The following PIN4 variants were observed in gnomAD, a reference collection of about 807,000 sequenced individuals.
PIN4 encodes peptidyl-prolyl cis-trans isomerase NIMA-interacting 4.
A neutral mutation model predicts 8.3 loss-of-function variants in PIN4; 3 were observed. The ratio of observed to expected loss-of-function variants is 0.36; its 90% CI spans 0.16 to 0.93. The LOEUF is 0.93. Among genes scored for constraint, PIN4 ranks in the 40% least tolerant of loss-of-function variants. The probability of loss-of-function intolerance (pLI) is 0.44; values close to 1 mark genes in which losing one functional copy is unlikely to be tolerated. For synonymous variants in PIN4, 18 were observed against 32.5 expected (o/e 0.55, Z 1.52); for missense variants, 75 against 100.6 (o/e 0.75, Z 1.09).
At chrX:72,190,496 T>G (rs928921987) in intron 2 of PIN4, among the ~76,000 whole-genome samples, 1 of 111,587 alleles carries the variant, frequency 9.0e-6, no homozygotes, top group Non-Finnish European at 1.9e-5. Flanking sequence ...AAGAAAAGAT[T>G]TCCTTGAAAA....
intron 1 of PIN4, among the ~76,000 whole-genome samples, chrX:72,185,060 C>A (rs1265195750): frequency 1.0e-5 from 1 of 95,928 alleles, no homozygotes; most frequent in African/African-American, 3.7e-5. Flanking sequence ...AGGAGAATGG[C>A]ATGAACCCGG....
chrX:72,193,648 A>G (rs755864945), intron 2 of PIN4, among the ~76,000 whole-genome samples: 1 of 111,977 alleles, frequency 8.9e-6, no homozygotes, highest in Non-Finnish European at 1.9e-5. Context: ...AGGTAGGCAG[A>G]TCACTTGAGG....
chrX:72,199,776 T>C (rs1182735785), downstream of PIN4, among the ~76,000 whole-genome samples: 1 of 103,936 alleles, frequency 9.6e-6, no homozygotes, highest in Non-Finnish European at 2.0e-5. Flanking sequence ...AGAGCAGTTA[T>C]AGCTAGCCTG....
rs2042775628 is a variant in PIN4 at position 72,198,049 on chromosome X, A to G, written c.*523A>G. On this transcript the variant is annotated 3_prime_UTR_variant, in exon 4 of 4. Coordinates refer to ENST00000373669, the MANE Select transcript of PIN4 (RefSeq NM_006223.4). ...TGGCACGTTATGCCTTTCAGTGTTA[A>G]CTCCTTTCTTTTTAAATAAATGTTT... 1.3e-6 allele frequency: 1 copy of G among 748,369 alleles called. No individual in the cohort carries two copies. Among genetic ancestry groups the G allele is most frequent in the Middle Eastern group, 7.6e-4 (1 of 1,310 alleles). The allele number at this position is 748,369 out of a possible 1,213,427, so 61.7% of individuals were successfully genotyped here. A position where few individuals can be genotyped will look rare whatever the true frequency, so the allele number is the denominator to read the frequency against.
At position 72,261,309 on chromosome X, in the gene PIN4, A is replaced by C. The variant is rs1033674039; in HGVS notation, c.313-1398A>C. ...GACTCCGTCTCAGAAAAAAAAAAAA[A>C]AAAAAACCAAAATCTGGGTGTCGAC... On this transcript the variant is annotated intron_variant, in intron 3 of 3. Transcript: ENST00000423432. Among the ~76,000 whole-genome samples, 9 of 108,915 alleles carry C rather than the reference A, an allele frequency of 8.3e-5. 1 individual carries two copies. In the East Asian group the frequency reaches 8.6e-4, roughly 10 times the overall value. The allele number at this position is 108,915 out of a possible 115,157, so 94.6% of individuals were successfully genotyped here.
chrX:72,214,964 A>T (rs2042879846), intron 3 of PIN4, among the ~76,000 whole-genome samples: 1 of 111,563 alleles, frequency 9.0e-6, no homozygotes, highest in Non-Finnish European at 1.9e-5. Flanking sequence ...TCCAGCCTGG[A>T]TGAAAAAGCA....
rs376450208 is a variant in PIN4, at chrX:72,207,177, A to G, written c.312+10273A>G. The G allele has an allele frequency of 1.2e-5, 15 of 1,209,758 alleles. No individual in the cohort carries two copies. In the African/African-American group the frequency reaches 2.6e-4, roughly 21 times the overall value. ...CTACTTGAGTGGTAAGCAGAAAAACAGAGTAATCTTTATTTTGCTGGAATA... is the reference window on the plus strand; with the variant it reads ...CTACTTGAGTGGTAAGCAGAAAAACGGAGTAATCTTTATTTTGCTGGAATA... On this transcript the variant is annotated intron_variant, in intron 3 of 3. Transcript: ENST00000423432.
intron 3 of PIN4, among the ~76,000 whole-genome samples, chrX:72,221,247 A>G (rs748701389): frequency 7.1e-4 from 79 of 111,778 alleles, no homozygotes; most frequent in Non-Finnish European, 1.2e-3. Context: ...CAACTGGAAC[A>G]TCCAACATTG....
rs780972657 is a variant in PIN4 at position 72,205,962 on chromosome X, C to A, written c.312+9058C>A. 6 of 1,211,401 alleles carry A rather than the reference C, an allele frequency of 5.0e-6. No homozygotes were observed. The East Asian group carries it at 1.8e-4, about 36-fold the overall frequency. On this transcript the variant is annotated intron_variant, in intron 3 of 3. Coordinates refer to the PIN4 transcript ENST00000423432. ...CTGAAGGTTCCTCTTCCAACTTGGCCTCACTTGCTTGAGCATCCTGCAGTG... is the reference window on the plus strand; with the variant it reads ...CTGAAGGTTCCTCTTCCAACTTGGCATCACTTGCTTGAGCATCCTGCAGTG...
chrX:72,182,668 T>C (rs2042680177), intron 1 of PIN4, among the ~76,000 whole-genome samples: 1 of 111,177 alleles, frequency 9.0e-6, no homozygotes, highest in African/African-American at 3.3e-5. Flanking sequence ...ATAATAGAAA[T>C]TGAGGGAAGT....
intron 3 of PIN4, among the ~76,000 whole-genome samples, chrX:72,212,574 T>G (rs2042861794): frequency 8.9e-6 from 1 of 112,150 alleles, no homozygotes; most frequent in African/African-American, 3.2e-5. Flanking sequence ...AAGCTTAAGT[T>G]GCAGAAGACA....
At chrX:72,208,455 T>C in intron 3 of PIN4, 1 of 1,211,256 alleles carries the variant, frequency 8.3e-7, no homozygotes, top group Non-Finnish European at 1.1e-6. Flanking sequence ...AGAGGAAAGC[T>C]ATGCCTTCCT....
Position 72,197,420 on chromosome X carries a change from C to G in PIN4, c.290C>G (p.Ala97Gly). The G allele has an allele frequency of 8.3e-7, 1 of 1,206,975 alleles. No homozygotes were observed. The highest frequency in any genetic ancestry group is 1.1e-6 in the Non-Finnish European group (1 of 891,691). ...TCCATGGTGGGACCATTTCAAGAAG[C>G]AGCATTTGCCTTGCCTGTAAGTGGG... ...RGSMVGPFQE[A>G]AFALPVSGMD... The change falls in exon 4 of 4, where the codon GCA (alanine) becomes GGA (glycine). Residue 97 changes from alanine to glycine, a missense_variant. By Grantham distance (60) the Ala-to-Gly change is moderately conservative. Transcript: ENST00000373669.
chrX:72,203,455 G>A (rs745554830), intron 3 of PIN4, among the ~76,000 whole-genome samples: 180 of 111,796 alleles, frequency 1.6e-3, no homozygotes, highest in Non-Finnish European at 2.6e-3. Flanking sequence ...GACGTCTGAA[G>A]TGAGGGCAGT....
intron 3 of PIN4, among the ~76,000 whole-genome samples, chrX:72,218,169 C>T (rs1354308102): frequency 1.9e-5 from 2 of 108,032 alleles, no homozygotes; most frequent in Non-Finnish European, 3.8e-5. Context: ...ACTCAGGAGG[C>T]TGAGGCAGGA....
rs190749180 is a variant in PIN4, at chrX:72,198,080, A to G, written c.*554A>G. On this transcript the variant is annotated 3_prime_UTR_variant, in exon 4 of 4. Transcript: ENST00000373669. ...TTCTTTTTAAATAAATGTTTATTGGAGGAAAAAAGCACTCAGTTGTTCCAT... is the reference window on the plus strand; with the variant it reads ...TTCTTTTTAAATAAATGTTTATTGGGGGAAAAAAGCACTCAGTTGTTCCAT... 1.3e-6 allele frequency: 1 copy of G among 750,036 alleles called. No homozygotes were observed. Among genetic ancestry groups the G allele is most frequent in the Admixed American group, 8.8e-5 (1 of 11,420 alleles). The allele number at this position is 750,036 out of a possible 1,213,427, so 61.8% of individuals were successfully genotyped here.
intron 3 of PIN4, among the ~76,000 whole-genome samples, chrX:72,251,967 C>A (rs908207667): frequency 3.6e-5 from 4 of 110,922 alleles, no homozygotes; most frequent in African/African-American, 1.3e-4. Flanking sequence ...ATAAAAAAAA[C>A]AAACGAACAT....
chrX:72,189,744 C>G (rs894285355), intron 2 of PIN4, among the ~76,000 whole-genome samples: 2 of 111,620 alleles, frequency 1.8e-5, no homozygotes, highest in Non-Finnish European at 1.9e-5. Context: ...CCGAAACACT[C>G]TGGTCCCAAG....
At chrX:72,200,481 T>G (rs1280054118), downstream of PIN4, among the ~76,000 whole-genome samples, 1 of 111,788 alleles carries the variant, frequency 8.9e-6, no homozygotes, top group Non-Finnish European at 1.9e-5. Flanking sequence ...GCAATACCTG[T>G]CAAATTTATA....
Sources: allele counts gnomAD v4.1 joint callset (sites outside exome capture counted in the v4.1 genomes callset), GRCh38; gene constraint gnomAD v4.1.1; transcripts MANE v1.5; gene names NCBI Gene and HGNC (gene_info 2026-07-23, HGNC 2026-07-21).